Variants in CDK19 observed in about 807,000 individuals in gnomAD.
CDK19 encodes cyclin-dependent kinase 19.
In CDK19, 20 loss-of-function variants were observed where a neutral mutation model predicts 68.3. The ratio of observed to expected loss-of-function variants is 0.29; its 90% CI spans 0.21 to 0.43. CDK19 has a LOEUF of 0.43. Among genes scored for constraint, CDK19 ranks in the 20% least tolerant of loss-of-function variants. The pLI, the probability that CDK19 is intolerant of heterozygous loss-of-function variation, is 1.00. For missense variants in CDK19, 339 were observed against 623.5 expected (o/e 0.54, Z 4.86); for synonymous variants, 221 against 222.8 (o/e 0.99, Z 0.07).
chr6:110,675,925 G>T (rs1771490864), intron 2 of CDK19, among the ~76,000 whole-genome samples: 1 of 152,116 alleles, frequency 6.6e-6, no homozygotes, highest in South Asian at 2.1e-4. Flanking sequence ...AAGTCATTTT[G>T]ACTTCCAAGT....
At chr6:110,810,563 T>C (rs1392566096) in intron 1 of CDK19, among the ~76,000 whole-genome samples, 1 of 151,930 alleles carries the variant, frequency 6.6e-6, no homozygotes, top group Non-Finnish European at 1.5e-5. Context: ...TCACCTGAGG[T>C]TGGGAGTTCG....
chr6:110,623,879 G>C (rs563108513), intron 8 of CDK19, among the ~76,000 whole-genome samples: 1 of 113,530 alleles, frequency 8.8e-6, no homozygotes, highest in Non-Finnish European at 1.8e-5. Context: ...GTATATATAC[G>C]TATATATATA....
intron 1 of CDK19, among the ~76,000 whole-genome samples, chr6:110,765,406 C>T (rs1040617993): frequency 6.6e-6 from 1 of 151,042 alleles, no homozygotes; most frequent in Admixed American, 6.6e-5. Flanking sequence ...AGGTCAGACG[C>T]GGTGGCTCAC....
chr6:110,761,756 ATTATT>A (rs1194054926), intron 1 of CDK19, among the ~76,000 whole-genome samples: 14 of 152,164 alleles, frequency 9.2e-5, no homozygotes, highest in African/African-American at 3.4e-4. Context: ...TGGTTTACCA[ATTATT>A]TTACTTTACT....
At position 110,746,196 on chromosome 6, in the gene CDK19, T is replaced by C; in HGVS notation, c.134A>G (p.Asp45Gly). ...VYKARRKDGK[D>G]EKEYALKQIE... ...TTGCTTCAATGCATATTCCTTTTCA[T>C]CTTTTCTGCACATAAACAAAAAAAC... Residue 45 changes from aspartate to glycine, a missense_variant, in exon 2 of 13, where the codon GAT becomes GGT. Coordinates refer to ENST00000368911, the MANE Select transcript of CDK19 (RefSeq NM_015076.5). 1.9e-6 allele frequency: 3 copies of C among 1,594,232 alleles called. No individual in the cohort carries two copies. Among genetic ancestry groups the C allele is most frequent in the Non-Finnish European group, 2.6e-6 (3 of 1,168,998 alleles).
At chr6:110,790,752 T>C (rs1781535222) in intron 1 of CDK19, among the ~76,000 whole-genome samples, 1 of 152,162 alleles carries the variant, frequency 6.6e-6, no homozygotes, top group Non-Finnish European at 1.5e-5. Flanking sequence ...AAAAACAAAG[T>C]TTTAACTGGA....
At chr6:110,719,081 A>G (rs1413578668) in intron 2 of CDK19, among the ~76,000 whole-genome samples, 1 of 152,252 alleles carries the variant, frequency 6.6e-6, no homozygotes, top group Non-Finnish European at 1.5e-5. Flanking sequence ...TCATTTTCAA[A>G]TCATTAGTTC....
At chr6:110,633,173 C>T (rs1779552911) in intron 5 of CDK19, among the ~76,000 whole-genome samples, 2 of 152,116 alleles carry the variant, frequency 1.3e-5, no homozygotes, top group Admixed American at 6.5e-5. Context: ...GAGCCGAGTT[C>T]GTGCCACTGC....
At chr6:110,740,369 A>T (rs529018700) in intron 2 of CDK19, among the ~76,000 whole-genome samples, 5 of 152,302 alleles carry the variant, frequency 3.3e-5, no homozygotes, top group African/African-American at 7.2e-5. Flanking sequence ...CGTTCACATG[A>T]TCCTGGTATT....
At chr6:110,616,677 A>AAAAAC (rs1554190794) in intron 12 of CDK19, among the ~76,000 whole-genome samples, 10 of 151,996 alleles carry the variant, frequency 6.6e-5, no homozygotes, top group Non-Finnish European at 1.0e-4. Context: ...TCAAAAAAAA[A>AAAAAC]AAAACAAAAC....
At chr6:110,729,665 C>T (rs1024425322) in intron 2 of CDK19, among the ~76,000 whole-genome samples, 5 of 146,112 alleles carry the variant, frequency 3.4e-5, no homozygotes, top group South Asian at 2.1e-4. Context: ...CTGGCTTGAA[C>T]GCCTGATCTC....
intron 1 of CDK19, among the ~76,000 whole-genome samples, chr6:110,769,480 G>A (rs997623334): frequency 6.6e-6 from 1 of 151,232 alleles, no homozygotes; most frequent in Non-Finnish European, 1.5e-5. Context: ...CAGGAGAATC[G>A]CTTGAACCCG....
chr6:110,802,813 A>G (rs1782430172), intron 1 of CDK19, among the ~76,000 whole-genome samples: 1 of 152,268 alleles, frequency 6.6e-6, no homozygotes, highest in Non-Finnish European at 1.5e-5. Flanking sequence ...AAATTAAAAT[A>G]GAAGCAATAA....
In CDK19 at chr6:110,683,293, G is replaced by A. The variant is rs1256622677; in HGVS notation, c.205-12752C>T. Among the ~76,000 whole-genome samples the A allele has an allele frequency of 2.0e-5, 3 of 151,606 alleles. No homozygotes were observed. In the East Asian group the frequency reaches 5.8e-4, roughly 29 times the overall value. On this transcript the variant is annotated intron_variant, in intron 2 of 12. Coordinates refer to ENST00000368911, the MANE Select transcript of CDK19 (RefSeq NM_015076.5). Reference sequence around the variant, plus strand: ...CCACTATTTGCAAGAATGTTATGAAGAGTAAATCGGATAATCCAGGTAGAA... The same window carrying A: ...CCACTATTTGCAAGAATGTTATGAAAAGTAAATCGGATAATCCAGGTAGAA...
chr6:110,797,282 G>A (rs1422637652), intron 1 of CDK19, among the ~76,000 whole-genome samples: 1 of 152,098 alleles, frequency 6.6e-6, no homozygotes, highest in Non-Finnish European at 1.5e-5. Flanking sequence ...AAAGGTTGCA[G>A]TGAACCGAGA....
intron 2 of CDK19, among the ~76,000 whole-genome samples, chr6:110,739,338 C>T (rs1777477930): frequency 6.6e-6 from 1 of 152,122 alleles, no homozygotes; most frequent in Non-Finnish European, 1.5e-5. Context: ...GACAGCCGTC[C>T]ATCTGTGAAC....
chr6:110,615,642 A>G (rs956518880), intron 12 of CDK19, among the ~76,000 whole-genome samples: 3 of 152,228 alleles, frequency 2.0e-5, no homozygotes, highest in African/African-American at 7.2e-5. Flanking sequence ...GCATGGGCCA[A>G]GCTAACTTTG....
chr6:110,693,379 G>C (rs1281003830), intron 2 of CDK19, among the ~76,000 whole-genome samples: 1 of 152,238 alleles, frequency 6.6e-6, no homozygotes, highest in African/African-American at 2.4e-5. Flanking sequence ...GATTTAGTGA[G>C]CTAAGCAAAA....
chr6:110,648,653 G>A (rs1780772064), intron 4 of CDK19, among the ~76,000 whole-genome samples: 1 of 148,786 alleles, frequency 6.7e-6, no homozygotes, highest in African/African-American at 2.5e-5. Flanking sequence ...CGATTCTCCT[G>A]CCTCAGCCTC....
Sources: allele counts gnomAD v4.1 joint callset (sites outside exome capture counted in the v4.1 genomes callset), GRCh38; gene constraint gnomAD v4.1.1; transcripts MANE v1.5; gene names NCBI Gene and HGNC (gene_info 2026-07-23, HGNC 2026-07-21).